Variants in STPG1 observed in about 807,000 individuals in gnomAD.
STPG1 encodes the protein sperm tail PG-rich repeat containing 1, also known as O(6)-methylguanine-induced apoptosis 2.
Under a neutral mutation model 40.1 loss-of-function variants are expected in STPG1, and 33 were observed. The ratio of observed to expected loss-of-function variants is 0.82; its 90% CI spans 0.62 to 1.10. The LOEUF is 1.10. STPG1 is among the 50% of genes least tolerant of loss of function. The pLI is 0.00. For missense variants in STPG1, 396 were observed against 415.1 expected (o/e 0.95, Z 0.40); for synonymous variants, 150 against 155.0 (o/e 0.97, Z 0.24).
chr1:24,395,300 A>G (rs1360375086), intron 2 of STPG1, among the ~76,000 whole-genome samples: 2 of 152,166 alleles, frequency 1.3e-5, no homozygotes, highest in African/African-American at 4.8e-5. Context: ...AGAAATGTTA[A>G]GGGAAGCCCT....
At chr1:24,403,479 A>G (rs1019464037) in intron 1 of STPG1, among the ~76,000 whole-genome samples, 1 of 152,136 alleles carries the variant, frequency 6.6e-6, no homozygotes, top group African/African-American at 2.4e-5. Context: ...TTACAGGTCA[A>G]TTTCTACTAA....
chr1:24,374,954 C>T (rs917660730), intron 5 of STPG1, among the ~76,000 whole-genome samples: 1 of 152,134 alleles, frequency 6.6e-6, no homozygotes. Context: ...TTTCAGGACA[C>T]GTAGTCCTAC....
rs544774447 is a variant in STPG1 at position 24,396,314 on chromosome 1, T to C, written c.71-4635A>G. 8.8e-5 allele frequency among the ~76,000 whole-genome samples: 13 copies of C among 147,866 alleles called. No individual in the cohort carries two copies. The East Asian group carries it at 2.3e-3, about 27-fold the overall frequency. ...ATCTATCTATCATCTATCTATCTTA[T>C]TGATCTATATTTTGAGACAGGGTCT... On this transcript the variant is annotated intron_variant, in intron 2 of 8. Transcript: ENST00000337248.
At chr1:24,361,267 G>A (rs1641098619) in intron 7 of STPG1, among the ~76,000 whole-genome samples, 1 of 152,208 alleles carries the variant, frequency 6.6e-6, no homozygotes, top group African/African-American at 2.4e-5. Flanking sequence ...GGTCAGGGTT[G>A]TCAGGATAAA....
At chr1:24,410,333 G>A (rs1301218053) in intron 1 of STPG1, among the ~76,000 whole-genome samples, 4 of 152,112 alleles carry the variant, frequency 2.6e-5, no homozygotes, top group African/African-American at 4.8e-5. Flanking sequence ...ATCCATGGCC[G>A]AGCGCTGTGG....
chr1:24,363,568 C>T (rs1641260522), intron 7 of STPG1, among the ~76,000 whole-genome samples: 2 of 152,208 alleles, frequency 1.3e-5, no homozygotes, highest in African/African-American at 4.8e-5. Context: ...GCCTCAATTT[C>T]CTCATCTGTA....
At position 24,399,671 on chromosome 1, in the gene STPG1, A is replaced by G. The variant is rs140064824; in HGVS notation, c.70+1648T>C. 2.8e-3 allele frequency among the ~76,000 whole-genome samples: 429 copies of G among 152,278 alleles called. 6 individuals carry two copies. The highest frequency in any genetic ancestry group is 9.1e-3 in the African/African-American group (377 of 41,574). ...CTTGTTTCTAGAATAAAGAATCCCT[A>G]TAAATAAGAAAAGGACAGAATGGTT... is the stretch of plus-strand genomic sequence containing the variant. On this transcript the variant is annotated intron_variant, in intron 2 of 8. Coordinates refer to ENST00000337248, the MANE Select transcript of STPG1 (RefSeq NM_001199013.2). The surrounding 1 kb of genome is among the most constrained non-coding windows in gnomAD (Gnocchi z 4.0).
intron 1 of STPG1, chr1:24,412,051 A>G (rs1643702217): frequency 6.6e-6 from 1 of 152,240 alleles, no homozygotes; most frequent in Non-Finnish European, 1.5e-5. Flanking sequence ...TCAAAATGCA[A>G]GTCATAGTCT....
At chr1:24,372,200 A>G (rs1641785008) in intron 6 of STPG1, among the ~76,000 whole-genome samples, 1 of 152,064 alleles carries the variant, frequency 6.6e-6, no homozygotes, top group Non-Finnish European at 1.5e-5. Flanking sequence ...ACAAAACAAA[A>G]CAAAAACAAA....
At chr1:24,405,195 T>A (rs1177893347) in intron 1 of STPG1, among the ~76,000 whole-genome samples, 1 of 152,162 alleles carries the variant, frequency 6.6e-6, no homozygotes, top group Non-Finnish European at 1.5e-5. Context: ...TGACCTCAAG[T>A]AATCTGCCCA....
intron 7 of STPG1, among the ~76,000 whole-genome samples, chr1:24,364,787 T>C (rs934708659): frequency 6.6e-6 from 1 of 152,180 alleles, no homozygotes; most frequent in South Asian, 2.1e-4. Flanking sequence ...TGCTCAGTTA[T>C]AAAAGCCAAC....
chr1:24,374,244 G>GTTTTTTTTTGTTTT (rs1641900437), intron 5 of STPG1, among the ~76,000 whole-genome samples: 2 of 93,244 alleles, frequency 2.1e-5, no homozygotes, highest in Admixed American at 1.2e-4. Flanking sequence ...CTAGGAAAGT[G>GTTTTTTTTTGTTTT]TTTTTTTTTT....
intron 7 of STPG1, among the ~76,000 whole-genome samples, chr1:24,367,547 C>T (rs975612359): frequency 6.6e-6 from 1 of 152,162 alleles, no homozygotes; most frequent in African/African-American, 2.4e-5. Context: ...GAGACCAAGT[C>T]TTGCTCTGTC....
intron 7 of STPG1, chr1:24,369,192 C>G (rs142543586): frequency 2.7e-6 from 1 of 364,032 alleles, no homozygotes; most frequent in Non-Finnish European, 5.6e-6. Flanking sequence ...AAACTTCCAT[C>G]GGTATAAAGC....
At chr1:24,393,255 G>C (rs991527694) in intron 2 of STPG1, among the ~76,000 whole-genome samples, 1 of 152,136 alleles carries the variant, frequency 6.6e-6, no homozygotes, top group Non-Finnish European at 1.5e-5. Flanking sequence ...AATCTGCCTG[G>C]GTGGAGGATG....
intron 5 of STPG1, among the ~76,000 whole-genome samples, chr1:24,374,364 T>C (rs945223663): frequency 2.1e-5 from 3 of 141,524 alleles, no homozygotes; most frequent in African/African-American, 5.1e-5. Flanking sequence ...GTTCACGCCA[T>C]TCTCCTGCCT....
rs373190951 is a variant in STPG1, at chr1:24,358,505, C to T, written c.*38G>A. 44 of 1,539,994 alleles carry T rather than the reference C, an allele frequency of 2.9e-5. No homozygotes were observed. The highest frequency in any genetic ancestry group is 4.0e-5 in the Non-Finnish European group (44 of 1,112,526). ...TCCTGGGGACGCTGGGCAGGGTGGG[C>T]TGGTGGCTGGAGTTCTCCTTGACCT... On this transcript the variant is annotated 3_prime_UTR_variant, in exon 9 of 9. Transcript: ENST00000337248.
At chr1:24,360,753 G>T in intron 8 of STPG1, 98 bp downstream of exon 8, 1 of 1,100,904 alleles carries the variant, frequency 9.1e-7, no homozygotes. Context: ...TAACCTATTT[G>T]GGAAACAACC....
rs749042571 is a variant in STPG1, at chr1:24,373,764, G to A, written c.509C>T (p.Ala170Val). The A allele has an allele frequency of 8.7e-6, 14 of 1,612,656 alleles. No individual in the cohort carries two copies. The East Asian group carries it at 2.9e-4, about 33-fold the overall frequency. Residue 170 changes from alanine to valine, a missense_variant, in exon 6 of 9, where the codon GCC becomes GTC. Physicochemically the swap from Ala to Val is moderately conservative, Grantham distance 64 (BLOSUM62 0). Transcript: ENST00000337248. ...CKQRNNVCTR[A>V]GFMSKTQRGS... is the part of the protein sequence containing the mutation. ...TCTTTGGGTTTTTGACATAAACCCG[G>A]CTCGAGTACAGACGTTGTTTCTCTG...
Sources: allele counts gnomAD v4.1 joint callset (sites outside exome capture counted in the v4.1 genomes callset), GRCh38; gene constraint gnomAD v4.1.1; non-coding constraint Gnocchi (gnomAD v3.1); transcripts MANE v1.5; gene names NCBI Gene and HGNC (gene_info 2026-07-23, HGNC 2026-07-21).